PREP: variants seen among roughly 807,000 people sequenced by gnomAD.
The protein encoded by PREP is dJ355L5.1 (prolyl endopeptidase).
In PREP, 29 loss-of-function variants were observed where a neutral mutation model predicts 87.6. That is an observed-to-expected ratio of 0.33 (90% CI 0.25 to 0.45). The LOEUF is 0.45. Among genes scored for constraint, PREP ranks in the 20% least tolerant of loss-of-function variants. The pLI is 1.00. For synonymous variants in PREP, 337 were observed against 328.6 expected, an observed-to-expected ratio of 1.03 and a Z score of -0.28; for missense variants, 695 against 886.5, an observed-to-expected ratio of 0.78 and a Z score of 2.74.
At chr6:105,321,180 A>G (rs976328557) in intron 10 of PREP, among the ~76,000 whole-genome samples, 1 of 152,270 alleles carries the variant, frequency 6.6e-6, no homozygotes, top group Admixed American at 6.5e-5. Context: ...TTATACATAC[A>G]GGCTATACCC....
chr6:105,302,049 G>C (rs1021816749), intron 10 of PREP, among the ~76,000 whole-genome samples: 1 of 152,232 alleles, frequency 6.6e-6, no homozygotes, highest in Non-Finnish European at 1.5e-5. Context: ...ACAGGGCTAG[G>C]ATGAATAAAT....
At chr6:105,353,145 A>G in intron 6 of PREP, 68 bp from the exon 7 acceptor site, 11 of 1,281,226 alleles carry the variant, frequency 8.6e-6, no homozygotes, top group South Asian at 1.3e-5. Context: ...ATTATTGAAT[A>G]TTAAGTTAAA....
At chr6:105,397,419 T>A (rs1214518394) in intron 2 of PREP, among the ~76,000 whole-genome samples, 1 of 152,170 alleles carries the variant, frequency 6.6e-6, no homozygotes, top group Admixed American at 6.5e-5. Context: ...TGTGTTGACA[T>A]CAATAAGCAA....
intron 5 of PREP, among the ~76,000 whole-genome samples, chr6:105,369,931 T>C (rs1772490449): frequency 6.6e-6 from 1 of 152,162 alleles, no homozygotes; most frequent in South Asian, 2.1e-4. Flanking sequence ...CTCCACATTA[T>C]ATATCATTAG....
At chr6:105,338,424 G>A (rs1408266085) in intron 7 of PREP, among the ~76,000 whole-genome samples, 1 of 152,210 alleles carries the variant, frequency 6.6e-6, no homozygotes, top group Non-Finnish European at 1.5e-5. Flanking sequence ...CAAGAGGGAG[G>A]TTCCAAGACA....
At chr6:105,379,722 C>T (rs1168118854) in intron 2 of PREP, among the ~76,000 whole-genome samples, 2 of 152,308 alleles carry the variant, frequency 1.3e-5, no homozygotes, top group East Asian at 1.9e-4. Context: ...GAAGCATCCA[C>T]GTGGACTAAA....
intron 7 of PREP, among the ~76,000 whole-genome samples, chr6:105,334,712 C>CAACAACAACAACAACAACA (rs1241061594): frequency 9.7e-6 from 1 of 102,744 alleles, no homozygotes; most frequent in Admixed American, 8.6e-5. Context: ...GAGACTCTGT[C>CAACAACAACAACAACAACA]TCAACAACAA....
intron 2 of PREP, among the ~76,000 whole-genome samples, chr6:105,393,081 T>C (rs1269682587): frequency 3.3e-5 from 5 of 152,362 alleles, no homozygotes; most frequent in African/African-American, 9.6e-5. Context: ...AAAAGCAGCA[T>C]GAACATTTTC....
intron 10 of PREP, among the ~76,000 whole-genome samples, chr6:105,316,210 T>C (rs1350200163): frequency 6.6e-6 from 1 of 152,214 alleles, no homozygotes; most frequent in African/African-American, 2.4e-5. Context: ...GTGCATGTTT[T>C]CCTTGCATTT....
chr6:105,352,885 T>C, intron 7 of PREP, 87 bp downstream of exon 7: 1 of 1,170,520 alleles, frequency 8.5e-7, no homozygotes, highest in Non-Finnish European at 1.3e-6. Context: ...TGGAAGAGGG[T>C]CTTGGGAAAT....
Position 105,382,796 on chromosome 6 carries a change from C to T in PREP, c.121-5277G>A, listed in dbSNP as rs75039396. Reference sequence around the variant, plus strand: ...TTCCAGGTAGAGACTGGCTCAGGCCCGGGTATCAACCTCCCCTCTTCTGAA... The same window carrying T: ...TTCCAGGTAGAGACTGGCTCAGGCCTGGGTATCAACCTCCCCTCTTCTGAA... On this transcript the variant is annotated intron_variant, in intron 2 of 14. Transcript: ENST00000652536. 2.8e-3 allele frequency among the ~76,000 whole-genome samples: 426 copies of T among 152,240 alleles called. 14 individuals are homozygous for T. In the East Asian group the frequency reaches 0.07, roughly 25 times the overall value.
intron 10 of PREP, among the ~76,000 whole-genome samples, chr6:105,307,859 C>T (rs929231052): frequency 3.3e-5 from 5 of 152,088 alleles, no homozygotes; most frequent in Non-Finnish European, 5.9e-5. Context: ...GTGATCTGCC[C>T]GCCTCAGCCT....
intron 7 of PREP, among the ~76,000 whole-genome samples, chr6:105,346,555 G>A (rs542825318): frequency 6.6e-6 from 1 of 152,346 alleles, no homozygotes; most frequent in Admixed American, 6.5e-5. Context: ...AGACAGGTTA[G>A]TGAAAGTCTG....
intron 10 of PREP, among the ~76,000 whole-genome samples, chr6:105,296,303 T>A (rs1770410270): frequency 6.6e-6 from 1 of 152,192 alleles, no homozygotes; most frequent in Admixed American, 6.5e-5. Flanking sequence ...TCCTTTCTGA[T>A]TACAGAAATT....
rs1285286033 is a variant in PREP at position 105,353,040 on chromosome 6, C to A, written c.755G>T (p.Arg252Met). ...TCGGTTTACTGGATCACATCCTTCCCTTATTGATAACAAGACATAGCGGCC... is the reference window on the plus strand; with the variant it reads ...TCGGTTTACTGGATCACATCCTTCCATTATTGATAACAAGACATAGCGGCC... ...DDGRYVLLSI[R>M]EGCDPVNRLW... Residue 252 changes from arginine to methionine, a missense_variant, in exon 7 of 15, where the codon AGG becomes ATG. By Grantham distance (91) the Arg-to-Met change is moderately conservative (BLOSUM62 -1). Transcript: ENST00000652536. 1 of 1,613,888 alleles carries A rather than the reference C, an allele frequency of 6.2e-7. No homozygotes were observed. Among genetic ancestry groups the A allele is most frequent in the Non-Finnish European group, 8.5e-7 (1 of 1,179,916 alleles).
At chr6:105,288,287 T>C (rs1366489457) in intron 11 of PREP, among the ~76,000 whole-genome samples, 1 of 152,248 alleles carries the variant, frequency 6.6e-6, no homozygotes, top group African/African-American at 2.4e-5. Context: ...CTTCAATTCC[T>C]GGTCAACATT....
At chr6:105,328,489 T>C (rs747055357) in intron 9 of PREP, among the ~76,000 whole-genome samples, 5 of 152,126 alleles carry the variant, frequency 3.3e-5, no homozygotes, top group Non-Finnish European at 7.4e-5. Context: ...CTCTTGACCT[T>C]GTGACCCGCC....
At chr6:105,328,407 G>A (rs1443153356) in intron 9 of PREP, among the ~76,000 whole-genome samples, 1 of 151,982 alleles carries the variant, frequency 6.6e-6, no homozygotes, top group East Asian at 1.9e-4. Context: ...ATAGGCACGC[G>A]CCACCATGCC....
At chr6:105,280,950 ATATAAAG>A (rs1770069379) in intron 14 of PREP, 1 of 152,186 alleles carries the variant, frequency 6.6e-6, no homozygotes, top group Non-Finnish European at 1.5e-5. Flanking sequence ...CATATATTTG[ATATAAAG>A]TATAATAATA....
Sources: gnomAD v4.1 joint callset for allele counts (sites outside exome capture counted in the v4.1 genomes callset) on GRCh38, gnomAD v4.1.1 for gene constraint, MANE v1.5 for transcripts, NCBI Gene and HGNC (gene_info 2026-07-23, HGNC 2026-07-21) for gene names.